The following B4GALT6 variants were observed in gnomAD, a reference collection of about 807,000 sequenced individuals.
B4GALT6 encodes beta-1,4-galactosyltransferase 6, also known as UDP-Gal:beta-GlcNAc beta-1,4-galactosyltransferase 6.
A neutral mutation model predicts 46.3 loss-of-function variants in B4GALT6; 14 were observed. The observed-to-expected ratio is 0.30, with a 90% CI of 0.20 to 0.47. The LOEUF is 0.47. Ranked by LOEUF, B4GALT6 falls within the 20% of genes least tolerant of loss-of-function variation. B4GALT6 has a pLI of 0.99. For synonymous variants in B4GALT6, 168 were observed against 162.0 expected, an observed-to-expected ratio of 1.04 and a Z score of -0.28; for missense variants, 386 against 480.1, an observed-to-expected ratio of 0.80 and a Z score of 1.83.
intron 1 of B4GALT6, among the ~76,000 whole-genome samples, chr18:31,681,238 T>G (rs2074476471): frequency 6.6e-6 from 1 of 152,228 alleles, no homozygotes; most frequent in African/African-American, 2.4e-5. Flanking sequence ...TAATAAAGGT[T>G]TCCTATTAAA....
chr18:31,631,968 C>G (rs148826062), intron 5 of B4GALT6, among the ~76,000 whole-genome samples: 1 of 152,132 alleles, frequency 6.6e-6, no homozygotes, highest in East Asian at 1.9e-4. Context: ...TTTTATTACA[C>G]AGAACCCAAC....
At chr18:31,664,734 G>T (rs1400803483) in intron 2 of B4GALT6, among the ~76,000 whole-genome samples, 1 of 152,062 alleles carries the variant, frequency 6.6e-6, no homozygotes, top group Non-Finnish European at 1.5e-5. Context: ...AACTTTCAGT[G>T]AACATTTTTA....
the B4GALT6 span, among the ~76,000 whole-genome samples, chr18:31,715,202 ACTGT>A: frequency 1.3e-5 from 2 of 152,010 alleles, no homozygotes; most frequent in Non-Finnish European, 2.9e-5. Context: ...TCTCCTTAGA[ACTGT>A]CTTTTTATTT....
chr18:31,664,674 C>G (rs185602684), intron 2 of B4GALT6, among the ~76,000 whole-genome samples: 276 of 152,216 alleles, frequency 1.8e-3, no homozygotes, highest in African/African-American at 6.3e-3. Flanking sequence ...ATTTTTAGCA[C>G]TCACACAAAT....
chr18:31,672,974 A>G (rs2074373585), intron 1 of B4GALT6, among the ~76,000 whole-genome samples: 1 of 152,210 alleles, frequency 6.6e-6, no homozygotes, highest in African/African-American at 2.4e-5. Flanking sequence ...GACAAAGTGA[A>G]AGCAGCAAGT....
chr18:31,650,838 G>T lies in B4GALT6; in HGVS notation c.347-5359C>A, dbSNP rs913723557. On this transcript the variant is annotated intron_variant, in intron 3 of 8. Transcript: ENST00000306851. Reference sequence around the variant, plus strand: ...GGCTGGAGTGCAGTGGCGCCATCTCGGCTCACTACAAGCTCCGCCTCCCGG... The same window carrying T: ...GGCTGGAGTGCAGTGGCGCCATCTCTGCTCACTACAAGCTCCGCCTCCCGG... Among the ~76,000 whole-genome samples, 3 of 151,900 alleles carry T rather than the reference G, an allele frequency of 2.0e-5. No individual in the cohort carries two copies. In the South Asian group the frequency reaches 6.2e-4, roughly 32 times the overall value.
chr18:31,663,670 G>A (rs748206517), intron 2 of B4GALT6, among the ~76,000 whole-genome samples: 8 of 152,096 alleles, frequency 5.3e-5, no homozygotes, highest in Non-Finnish European at 1.2e-4. Flanking sequence ...AGCTCAGTTA[G>A]CTTTTTGTAC....
chr18:31,656,422 C>CA (rs1216466723), intron 3 of B4GALT6, among the ~76,000 whole-genome samples: 2 of 150,834 alleles, frequency 1.3e-5, no homozygotes, highest in East Asian at 3.9e-4. Context: ...GATACACACA[C>CA]AAAAAAAAGC....
the B4GALT6 span, among the ~76,000 whole-genome samples, chr18:31,714,268 A>G: frequency 7.2e-5 from 11 of 152,362 alleles, no homozygotes; most frequent in Non-Finnish European, 1.0e-4. Context: ...ACAAAGTTCT[A>G]TCAGACAGCA....
chr18:31,668,871 C>T (rs1009733591), intron 1 of B4GALT6, among the ~76,000 whole-genome samples: 28 of 150,856 alleles, frequency 1.9e-4, no homozygotes, highest in African/African-American at 5.6e-4. Context: ...ACTAGCCAGG[C>T]GTGGTGGCGC....
intron 3 of B4GALT6, among the ~76,000 whole-genome samples, chr18:31,647,380 T>C (rs1163515728): frequency 6.6e-6 from 1 of 152,210 alleles, no homozygotes; most frequent in Non-Finnish European, 1.5e-5. Flanking sequence ...ACAGGCTTTA[T>C]TTCTTTCCCT....
chr18:31,676,182 TA>T (rs1437993834), intron 1 of B4GALT6, among the ~76,000 whole-genome samples: 1 of 152,068 alleles, frequency 6.6e-6, no homozygotes, highest in African/African-American at 2.4e-5. Context: ...GCAATTAACT[TA>T]ATTATCAGGA....
chr18:31,631,068 A>T lies in B4GALT6; in HGVS notation c.667T>A (p.Cys223Ser). 6.2e-7 allele frequency: 1 copy of T among 1,614,234 alleles called. No individual in the cohort carries two copies. Among genetic ancestry groups the T allele is most frequent in the Non-Finnish European group, 8.5e-7 (1 of 1,180,036 alleles). ...TGATCCACATCGTGGAAGATTACAC[A>T]GTCCCAGACACTGTCTTTCATGGCC... Reference protein sequence around the residue: ...KEAMKDSVWDCVIFHDVDHLP... With the variant: ...KEAMKDSVWDSVIFHDVDHLP... Residue 223 changes from cysteine to serine, a missense_variant, in exon 6 of 9, where the codon TGT becomes AGT. Cys to Ser is a moderately radical substitution (Grantham distance 112). Coordinates refer to ENST00000306851, the MANE Select transcript of B4GALT6 (RefSeq NM_004775.5).
At chr18:31,672,066 C>A (rs999774310) in intron 1 of B4GALT6, among the ~76,000 whole-genome samples, 1 of 152,202 alleles carries the variant, frequency 6.6e-6, no homozygotes, top group Non-Finnish European at 1.5e-5. Context: ...CAGCCCCTTT[C>A]CACATCCAGC....
the B4GALT6 span, among the ~76,000 whole-genome samples, chr18:31,691,685 G>A: frequency 6.6e-6 from 1 of 151,930 alleles, no homozygotes; most frequent in African/African-American, 2.4e-5. Flanking sequence ...ATCATTCTGG[G>A]GGGAAAATAG....
intron 3 of B4GALT6, among the ~76,000 whole-genome samples, chr18:31,651,017 C>T (rs912166305): frequency 4.6e-5 from 7 of 152,272 alleles, no homozygotes; most frequent in East Asian, 1.9e-4. Flanking sequence ...CCACCCACCT[C>T]GGCCTCCCAA....
the B4GALT6 span, among the ~76,000 whole-genome samples, chr18:31,695,645 C>A: frequency 1.3e-5 from 2 of 152,194 alleles, no homozygotes; most frequent in South Asian, 4.1e-4. Flanking sequence ...ATCTTACAGC[C>A]CTGAGCTGCC....
chr18:31,694,418 ATGTGTC>A, the B4GALT6 span, among the ~76,000 whole-genome samples: 1 of 152,144 alleles, frequency 6.6e-6, no homozygotes, highest in Non-Finnish European at 1.5e-5. Context: ...CAGAACACAA[ATGTGTC>A]CCAAGCAAGA....
chr18:31,691,294 T>C, the B4GALT6 span, among the ~76,000 whole-genome samples: 82 of 752 alleles, frequency 0.11, no homozygotes, highest in African/African-American at 0.18. Flanking sequence ...TAATTTTACA[T>C]ATATATATAT....
Sources: allele counts gnomAD v4.1 joint callset (sites outside exome capture counted in the v4.1 genomes callset), GRCh38; gene constraint gnomAD v4.1.1; transcripts MANE v1.5; gene names NCBI Gene and HGNC (gene_info 2026-07-23, HGNC 2026-07-21).